Variants in SHANK2 observed in about 807,000 individuals in gnomAD.
SHANK2 encodes SH3 and multiple ankyrin repeat domains protein 2.
SHANK2 carries 43 observed loss-of-function variants against 133.7 expected under a neutral mutation model. That is an observed-to-expected ratio of 0.32 (90% CI 0.25 to 0.41). The LOEUF (loss-of-function observed/expected upper bound fraction) is 0.41. Among genes scored for constraint, SHANK2 ranks in the 10% least tolerant of loss-of-function variants. SHANK2 has a pLI of 1.00. For missense variants in SHANK2, 1,994 were observed against 2,235.8 expected, an observed-to-expected ratio of 0.89 and a Z score of 2.18; for synonymous variants, 1,017 against 952.8, an observed-to-expected ratio of 1.07 and a Z score of -1.24.
At chr11:71,209,543 GCA>G (rs1465220741) in intron 2 of SHANK2, among the ~76,000 whole-genome samples, 2 of 152,176 alleles carry the variant, frequency 1.3e-5, no homozygotes, top group African/African-American at 4.8e-5. Flanking sequence ...CCTCCCACCA[GCA>G]CACACATGGT....
At chr11:70,642,753 A>G (rs1444430154) in intron 17 of SHANK2, among the ~76,000 whole-genome samples, 2 of 152,196 alleles carry the variant, frequency 1.3e-5, no homozygotes, top group Non-Finnish European at 2.9e-5. Context: ...AAGATGACAA[A>G]GGCCCTCCAT....
chr11:71,072,857 A>C (rs1951160863), intron 9 of SHANK2, among the ~76,000 whole-genome samples: 5 of 152,162 alleles, frequency 3.3e-5, no homozygotes, highest in Admixed American at 3.3e-4. Context: ...GAAAATCTAC[A>C]GACACAGAAA....
chr11:70,487,793 C>G lies in SHANK2; in HGVS notation c.2573-73G>C, dbSNP rs919271809. ...CCTAAGTTCCTAGGAACGTGCGATA[C>G]GCTACATCTCCACAAACTCACAAAT... On this transcript the variant is annotated intron_variant, in intron 24 of 25. Transcript: ENST00000601538. The surrounding 1 kb of genome is among the most constrained non-coding windows in gnomAD (Gnocchi z 5.8). The G allele has an allele frequency of 6.5e-6, 10 of 1,549,084 alleles. No homozygotes were observed. In the African/African-American group the frequency reaches 1.4e-4, roughly 21 times the overall value.
chr11:70,524,574 G>A (rs1357010747), intron 17 of SHANK2, among the ~76,000 whole-genome samples: 1 of 152,240 alleles, frequency 6.6e-6, no homozygotes, highest in Non-Finnish European at 1.5e-5. Context: ...CCCGTCCTCA[G>A]GCTACCCCGA....
chr11:70,820,687 G>A lies in SHANK2; in HGVS notation c.1175-5C>T, dbSNP rs782394378. 2.5e-5 allele frequency: 17 copies of A among 669,434 alleles called. No homozygotes were observed. Among genetic ancestry groups the A allele is most frequent in the Non-Finnish European group, 3.0e-5 (11 of 363,038 alleles). The allele number at this position is 669,434 out of a possible 1,614,324, so 41.5% of individuals were successfully genotyped here. A position where few individuals can be genotyped will look rare whatever the true frequency, so the allele number is the denominator to read the frequency against. The stretch of plus-strand genomic sequence containing the variant: ...CCGGGGCCTCTCGGAAGGGCACTGG[G>A]GAGAAGGACATGGAGAGAGGCCGGT... On this transcript the variant is annotated splice_region_variant and splice_polypyrimidine_tract_variant and intron_variant, in intron 11 of 25. Transcript: ENST00000601538.
chr11:70,759,096 T>TGCAGTGA (rs1325057519), intron 14 of SHANK2, among the ~76,000 whole-genome samples: 25 of 151,954 alleles, frequency 1.6e-4, no homozygotes, highest in Non-Finnish European at 2.5e-4. Flanking sequence ...AGGCAGAGGT[T>TGCAGTGA]GCAGTGAGCA....
chr11:71,131,118 C>T (rs1243591214), intron 3 of SHANK2, among the ~76,000 whole-genome samples: 1 of 152,242 alleles, frequency 6.6e-6, no homozygotes, highest in African/African-American at 2.4e-5. Context: ...AATCCGTGTA[C>T]TTGCACACCT....
chr11:71,210,210 G>GTGTGTATATATA (rs1491563939), intron 2 of SHANK2, among the ~76,000 whole-genome samples: 1 of 54,074 alleles, frequency 1.8e-5, no homozygotes, highest in Non-Finnish European at 3.2e-5. Context: ...AAATCCACAG[G>GTGTGTATATATA]TATATATATA....
chr11:71,251,170 G>T (rs1380458397), intron 1 of SHANK2, among the ~76,000 whole-genome samples: 2 of 150,394 alleles, frequency 1.3e-5, no homozygotes, highest in Admixed American at 1.3e-4. Flanking sequence ...CCCTTTAAAA[G>T]ATCGGCTGCG....
Position 70,471,686 on chromosome 11 carries a change from C to T in SHANK2, c.*1183G>A. On this transcript the variant is annotated 3_prime_UTR_variant, in exon 26 of 26. Coordinates refer to ENST00000601538, the MANE Select transcript of SHANK2 (RefSeq NM_012309.5). The surrounding 1 kb of genome is among the most constrained non-coding windows in gnomAD (Gnocchi z 4.1). ...AAGACAAGCTGGTGGGATTCCTAGA[C>T]ACCCAGAGCGATAGGGGAAAAGCCT... 3.1e-6 allele frequency: 1 copy of T among 321,268 alleles called. No individual in the cohort carries two copies. The highest frequency in any genetic ancestry group is 5.6e-6 in the Non-Finnish European group (1 of 178,020). 19.9% of individuals were successfully genotyped at this position (321,268 alleles called of 1,614,324 possible). A position where few individuals can be genotyped will look rare whatever the true frequency, so the allele number is the denominator to read the frequency against.
intron 9 of SHANK2, among the ~76,000 whole-genome samples, chr11:71,069,871 T>C (rs1951119824): frequency 6.6e-6 from 1 of 152,218 alleles, no homozygotes; most frequent in African/African-American, 2.4e-5. Flanking sequence ...TCAACACTAC[T>C]CCCTGCATGC....
chr11:70,655,862 C>T (rs535435795), intron 17 of SHANK2, among the ~76,000 whole-genome samples: 1 of 152,150 alleles, frequency 6.6e-6, no homozygotes, highest in Non-Finnish European at 1.5e-5. Context: ...TTGGGACCCC[C>T]GGCATCACCA....
intron 17 of SHANK2, among the ~76,000 whole-genome samples, chr11:70,556,385 TTCTTTCTTTCTCTCTC>T (rs2059829801): frequency 1.1e-5 from 1 of 91,820 alleles, no homozygotes; most frequent in Non-Finnish European, 2.5e-5. Context: ...CTCTGTCTCT[TTCTTTCTTTCTCTCTC>T]TCTCTCTCTC....
At chr11:70,876,761 T>C (rs1241988471) in intron 11 of SHANK2, among the ~76,000 whole-genome samples, 1 of 152,142 alleles carries the variant, frequency 6.6e-6, no homozygotes, top group Non-Finnish European at 1.5e-5. Context: ...ATAACAGGGC[T>C]GCTGCTGAGC....
At chr11:70,943,090 G>A (rs1411683920) in intron 10 of SHANK2, 1 of 456,728 alleles carries the variant, frequency 2.2e-6, no homozygotes, top group Non-Finnish European at 4.4e-6. Context: ...CGGCTCTGAG[G>A]GGTGGGAAGG....
chr11:70,945,048 TG>T (rs1950703666), intron 10 of SHANK2, among the ~76,000 whole-genome samples: 1 of 152,168 alleles, frequency 6.6e-6, no homozygotes, highest in East Asian at 1.9e-4. Flanking sequence ...TAGTTCTGCT[TG>T]TTTCATATCT....
intron 17 of SHANK2, among the ~76,000 whole-genome samples, chr11:70,544,090 G>C (rs1472524596): frequency 2.0e-5 from 3 of 152,132 alleles, no homozygotes; most frequent in African/African-American, 7.2e-5. Context: ...CATTTCTTAA[G>C]GCAACTTTCC....
At chr11:70,954,180 A>T (rs894881240) in intron 10 of SHANK2, among the ~76,000 whole-genome samples, 1 of 152,236 alleles carries the variant, frequency 6.6e-6, no homozygotes, top group African/African-American at 2.4e-5. Context: ...GGAAGGCACA[A>T]CCAAACAGTC....
intron 2 of SHANK2, among the ~76,000 whole-genome samples, chr11:71,209,358 G>A (rs1459640305): frequency 1.3e-5 from 2 of 152,138 alleles, no homozygotes; most frequent in Non-Finnish European, 2.9e-5. Flanking sequence ...ACCCTCCCAC[G>A]CCCTGCCTCA....
Sources: gnomAD v4.1 joint callset for allele counts (sites outside exome capture counted in the v4.1 genomes callset) on GRCh38, gnomAD v4.1.1 for gene constraint, Gnocchi (gnomAD v3.1) non-coding constraint, MANE v1.5 for transcripts, NCBI Gene and HGNC (gene_info 2026-07-23, HGNC 2026-07-21) for gene names.